Variants in ALPL observed in about 807,000 individuals in gnomAD.
ALPL encodes alkaline phosphatase, tissue-nonspecific isozyme.
In ALPL, 42 loss-of-function variants were observed where a neutral mutation model predicts 51.3. The observed-to-expected ratio is 0.82, with a 90% CI of 0.64 to 1.06. The LOEUF is 1.06. Ranked by LOEUF, ALPL falls within the 50% of genes least tolerant of loss-of-function variation. The pLI, the probability that ALPL is intolerant of heterozygous loss-of-function variation, is 0.00. For missense variants in ALPL, 589 were observed against 709.4 expected (o/e 0.83, Z 1.93); for synonymous variants, 279 against 296.4 (o/e 0.94, Z 0.60).
In ALPL at chr1:21,561,219, C is replaced by T. The variant is rs376180267; in HGVS notation, c.297+7C>T. ...CTTCGTGGCCCTCTCCAAGGTGAGC[C>T]CCATCCCCAAGCCCAGTTCAGGTCT... On this transcript the variant is annotated splice_region_variant and intron_variant, in intron 4 of 11. Coordinates refer to ENST00000374840, the MANE Select transcript of ALPL (RefSeq NM_000478.6). 6.3e-7 allele frequency: 1 copy of T among 1,598,896 alleles called. No individual in the cohort carries two copies. The highest frequency in any genetic ancestry group is 1.3e-5 in the African/African-American group (1 of 74,602).
intron 2 of ALPL, among the ~76,000 whole-genome samples, chr1:21,555,506 A>AC (rs1256873718): frequency 6.6e-6 from 1 of 151,892 alleles, no homozygotes; most frequent in Non-Finnish European, 1.5e-5. Context: ...AACCTTCGCC[A>AC]CCCAGGTTCA....
chr1:21,519,940 C>CCTGA (rs1643867046), intron 1 of ALPL, among the ~76,000 whole-genome samples: 1 of 152,078 alleles, frequency 6.6e-6, no homozygotes, highest in Admixed American at 6.5e-5. Context: ...CCTAGGGGAA[C>CCTGA]CTGAGGTCAG....
chr1:21,524,861 G>T (rs764626859), intron 1 of ALPL, among the ~76,000 whole-genome samples: 12 of 152,242 alleles, frequency 7.9e-5, no homozygotes, highest in Non-Finnish European at 1.6e-4. Context: ...GGAAGGACAG[G>T]CGAAGGGGCA....
intron 1 of ALPL, among the ~76,000 whole-genome samples, chr1:21,519,236 C>T (rs1444442999): frequency 6.6e-6 from 1 of 152,204 alleles, no homozygotes; most frequent in African/African-American, 2.4e-5. Flanking sequence ...TGAACATGGG[C>T]ACAGCTCTGT....
intron 1 of ALPL, among the ~76,000 whole-genome samples, chr1:21,515,647 G>A (rs887901022): frequency 6.6e-6 from 1 of 152,018 alleles, no homozygotes; most frequent in African/African-American, 2.4e-5. Flanking sequence ...CCTCGGCCTC[G>A]CAAAGTGCTG....
At chr1:21,542,388 G>C (rs1284250596) in intron 1 of ALPL, among the ~76,000 whole-genome samples, 3 of 152,186 alleles carry the variant, frequency 2.0e-5, no homozygotes, top group Non-Finnish European at 4.4e-5. Flanking sequence ...GTGTGCCTCT[G>C]GTGGGGAGCA....
intron 3 of ALPL, 151 bp from the exon 4 acceptor site, chr1:21,560,946 G>C: frequency 2.1e-6 from 2 of 972,554 alleles, no homozygotes; most frequent in East Asian, 5.2e-5. Flanking sequence ...TGAAGGGAGA[G>C]AGGGGCTGCT....
chr1:21,516,463 A>C (rs1208818692), intron 1 of ALPL, among the ~76,000 whole-genome samples: 1 of 152,218 alleles, frequency 6.6e-6, no homozygotes, highest in Admixed American at 6.5e-5. Flanking sequence ...CATGGTGCTC[A>C]GTGCCTTGCC....
intron 2 of ALPL, among the ~76,000 whole-genome samples, chr1:21,560,264 G>T (rs1331235217): frequency 6.6e-6 from 1 of 152,206 alleles, no homozygotes; most frequent in East Asian, 1.9e-4. Flanking sequence ...CAATTCATTT[G>T]CTGCCTTAGC....
At chr1:21,575,950 C>T (rs375832641) in intron 10 of ALPL, 26 bp downstream of exon 10, 9 of 1,613,782 alleles carry the variant, frequency 5.6e-6, no homozygotes, top group Non-Finnish European at 7.6e-6. Context: ...TTGGGGTGGA[C>T]ACTCCTGGGG....
At chr1:21,513,725 T>A (rs869178) in intron 1 of ALPL, among the ~76,000 whole-genome samples, 48,975 of 152,136 alleles carry the variant, frequency 0.32, 8,707 homozygotes, top group East Asian at 0.47. Context: ...AAACAACTTT[T>A]ATTTAGTTGC....
chr1:21,516,540 A>T (rs531883659), intron 1 of ALPL, among the ~76,000 whole-genome samples: 4 of 152,320 alleles, frequency 2.6e-5, no homozygotes, highest in African/African-American at 9.6e-5. Flanking sequence ...ATTACAGATG[A>T]GGAAACGGAA....
At chr1:21,554,797 CTGTCTGTCTGT>C in intron 2 of ALPL, among the ~76,000 whole-genome samples, 1 of 35,566 alleles carries the variant, frequency 2.8e-5, no homozygotes, top group Non-Finnish European at 5.3e-5. Flanking sequence ...GCCTGTCTGT[CTGTCTGTCTGT>C]CTGTCTGTCT....
chr1:21,548,370 A>G (rs1050380097), intron 1 of ALPL, among the ~76,000 whole-genome samples: 1 of 152,196 alleles, frequency 6.6e-6, no homozygotes, highest in Non-Finnish European at 1.5e-5. Context: ...GGGAGAAGGC[A>G]CCTGCCTCCA....
chr1:21,544,689 T>C (rs1644230727), intron 1 of ALPL, among the ~76,000 whole-genome samples: 1 of 152,172 alleles, frequency 6.6e-6, no homozygotes, highest in Non-Finnish European at 1.5e-5. Context: ...GAGGTTGCAG[T>C]GAGCTAAGAC....
At chr1:21,527,520 T>C (rs1289928653) in intron 1 of ALPL, among the ~76,000 whole-genome samples, 1 of 152,068 alleles carries the variant, frequency 6.6e-6, no homozygotes, top group Non-Finnish European at 1.5e-5. Context: ...ACCTGAGCCC[T>C]TGATGCTGTA....
chr1:21,561,065 CGA>C (rs1389666236), intron 3 of ALPL, 30 bp from the exon 4 acceptor site: 1 of 1,564,564 alleles, frequency 6.4e-7, no homozygotes, highest in Non-Finnish European at 8.7e-7. Context: ...GGCAGGAGCA[CGA>C]GAGACTGAGG....
intron 1 of ALPL, among the ~76,000 whole-genome samples, chr1:21,529,405 C>T (rs1290746321): frequency 3.3e-5 from 5 of 152,090 alleles, no homozygotes; most frequent in African/African-American, 9.7e-5. Flanking sequence ...CAGGTGCACA[C>T]CACACTTGGC....
chr1:21,573,783 C>A lies in ALPL; in HGVS notation c.981C>A (p.Phe327Leu). The A allele has an allele frequency of 6.2e-7, 1 of 1,614,178 alleles. No homozygotes were observed. The highest frequency in any genetic ancestry group is 2.2e-5 in the East Asian group (1 of 44,882). ...TCCTGCGGAAGAACCCCAAAGGCTTCTTCTTGCTGGTGGAAGGTAGGGACC... is the reference window on the plus strand; with the variant it reads ...TCCTGCGGAAGAACCCCAAAGGCTTATTCTTGCTGGTGGAAGGTAGGGACC... ...IQILRKNPKG[F>L]FLLVEGGRID... is the part of the protein sequence containing the mutation. Residue 327 changes from phenylalanine (F) to leucine (L), a missense_variant, in exon 9 of 12, where the codon TTC becomes TTA. Physicochemically the swap from Phe to Leu is conservative, Grantham distance 22. Transcript: ENST00000374840.
Sources: gnomAD v4.1 joint callset for allele counts (sites outside exome capture counted in the v4.1 genomes callset) on GRCh38, gnomAD v4.1.1 for gene constraint, MANE v1.5 for transcripts, NCBI Gene and HGNC (gene_info 2026-07-23, HGNC 2026-07-21) for gene names.